Variants in ADH6 observed in about 807,000 individuals in gnomAD.
ADH6 encodes the protein alcohol dehydrogenase 6 (class V).
In ADH6, 34 loss-of-function variants were observed where a neutral mutation model predicts 36.5. That is an observed-to-expected ratio of 0.93 (90% CI 0.71 to 1.24). ADH6 has a LOEUF of 1.24. Ranked by LOEUF, ADH6 falls within the 50% of genes most tolerant of loss-of-function variation. The pLI, the probability that ADH6 is intolerant of heterozygous loss-of-function variation, is 0.00. For synonymous variants in ADH6, 161 were observed against 155.5 expected (o/e 1.04, Z -0.26); for missense variants, 440 against 447.0 (o/e 0.98, Z 0.14).
At chr4:99,207,692 A>T (rs974976194) in intron 6 of ADH6, 111 bp from the exon 7 acceptor site, 3 of 1,082,686 alleles carry the variant, frequency 2.8e-6, no homozygotes, top group Admixed American at 5.3e-5. Context: ...TTCTTTTCTG[A>T]TTCTCCCTAT....
At chr4:99,217,099 G>C (rs930756711) in intron 1 of ADH6, among the ~76,000 whole-genome samples, 11 of 152,110 alleles carry the variant, frequency 7.2e-5, no homozygotes, top group Non-Finnish European at 1.2e-4. Context: ...GCAGTAGCAC[G>C]ATCTCGGCTC....
At position 99,210,217 on chromosome 4, in the gene ADH6, G is replaced by A; in HGVS notation, c.432C>T (p.Thr144=). The part of the protein sequence containing the change: ...KGKSIYHFGN[T]STFCEYTVIK... ...TCACTGTGTATTCACAGAAGGTGCTGGTATTACCAAAGTGATATATTGATT... is the reference window on the plus strand; with the variant it reads ...TCACTGTGTATTCACAGAAGGTGCTAGTATTACCAAAGTGATATATTGATT... Residue 144 remains threonine (T), a synonymous_variant, in exon 5 of 9, where the codon ACC becomes ACT. Transcript: ENST00000394899. The A allele has an allele frequency of 4.3e-6, 7 of 1,613,684 alleles. No homozygotes were observed. The highest frequency in any genetic ancestry group is 5.9e-6 in the Non-Finnish European group (7 of 1,179,820).
At position 99,219,212 on chromosome 4, in the gene ADH6, A is replaced by G. The variant is rs2110562096; in HGVS notation, c.-60T>C. The G allele has an allele frequency of 1.3e-6, 2 of 1,513,472 alleles. No homozygotes were observed. Among genetic ancestry groups the G allele is most frequent in the African/African-American group, 1.4e-5 (1 of 72,880 alleles). The allele number at this position is 1,513,472 out of a possible 1,614,324, so 93.8% of individuals were successfully genotyped here. A position where few individuals can be genotyped will look rare whatever the true frequency, so the allele number is the denominator to read the frequency against. Reference sequence around the variant, plus strand: ...AAAGGGAGATCCTGTAGCAACTTTCACTGTAGAAAGTACAAAGGTACACAG... The same window carrying G: ...AAAGGGAGATCCTGTAGCAACTTTCGCTGTAGAAAGTACAAAGGTACACAG... On this transcript the variant is annotated 5_prime_UTR_variant, in exon 1 of 9. Coordinates refer to ENST00000394899, the MANE Select transcript of ADH6 (RefSeq NM_001102470.2).
Position 99,210,254 on chromosome 4 carries a change from G to C in ADH6, c.395C>G (p.Thr132Ser). ...GTGATATATTGATTTTCCCTTGCAG[G>C]TAAACCTGCTGGTACCATCAGACAT... ...QLMSDGTSRF[T>S]CKGKSIYHFG... Residue 132 changes from threonine (T) to serine (S), a missense_variant, in exon 5 of 9, where the codon ACC becomes AGC. By Grantham distance (58) the Thr-to-Ser change is moderately conservative. Coordinates refer to ENST00000394899, the MANE Select transcript of ADH6 (RefSeq NM_001102470.2). The C allele has an allele frequency of 6.2e-7, 1 of 1,613,730 alleles. No individual in the cohort carries two copies. Among genetic ancestry groups the C allele is most frequent in the Non-Finnish European group, 8.5e-7 (1 of 1,179,848 alleles).
At chr4:99,218,922 G>C (rs1005721605) in intron 1 of ADH6, among the ~76,000 whole-genome samples, 10 of 152,124 alleles carry the variant, frequency 6.6e-5, no homozygotes, top group Non-Finnish European at 1.5e-5. Context: ...TCTGATAAAG[G>C]GCTTGGACAT....
intron 3 of ADH6, among the ~76,000 whole-genome samples, chr4:99,210,989 A>G (rs896838751): frequency 1.3e-5 from 2 of 152,128 alleles, no homozygotes; most frequent in Admixed American, 1.3e-4. Flanking sequence ...AAAGGTAGGC[A>G]GATTTCTCTA....
At chr4:99,204,634 T>G (rs554378657) in intron 8 of ADH6, 489 of 1,181,902 alleles carry the variant, frequency 4.1e-4, no homozygotes, top group Non-Finnish European at 4.9e-4. Flanking sequence ...TTTTATAAGC[T>G]GACTTCCATT....
At chr4:99,217,297 A>G (rs962935911) in intron 1 of ADH6, among the ~76,000 whole-genome samples, 4 of 152,198 alleles carry the variant, frequency 2.6e-5, no homozygotes, top group South Asian at 2.1e-4. Flanking sequence ...TGGCCTCCCA[A>G]AGTGCTGGGA....
intron 3 of ADH6, among the ~76,000 whole-genome samples, chr4:99,211,979 G>GA (rs1322166491): frequency 6.6e-6 from 1 of 152,124 alleles, no homozygotes; most frequent in Non-Finnish European, 1.5e-5. Flanking sequence ...CTACTCGCTT[G>GA]ATTTTGACCT....
Position 99,208,860 on chromosome 4 carries a change from A to G in ADH6, c.636T>C (p.Cys212=). ...GGVGLSVVMG[C]KAAGAARIIG... ...TGATCCTGGCTGCTCCTGCTGCTTTACAACCCATGACAACAGACAAGCCGA... is the reference window on the plus strand; with the variant it reads ...TGATCCTGGCTGCTCCTGCTGCTTTGCAACCCATGACAACAGACAAGCCGA... The change falls in exon 6 of 9, where the codon TGT becomes TGC. Residue 212 remains cysteine (C), a synonymous_variant. Coordinates refer to ENST00000394899, the MANE Select transcript of ADH6 (RefSeq NM_001102470.2). The G allele has an allele frequency of 3.7e-6, 6 of 1,613,776 alleles. No homozygotes were observed. Among genetic ancestry groups the G allele is most frequent in the Non-Finnish European group, 5.1e-6 (6 of 1,179,784 alleles).
At chr4:99,212,400 ATAT>A (rs1182812712) in intron 3 of ADH6, among the ~76,000 whole-genome samples, 1 of 152,092 alleles carries the variant, frequency 6.6e-6, no homozygotes, top group Admixed American at 6.6e-5. Flanking sequence ...GTACAATGTG[ATAT>A]TATGTGTATA....
intron 3 of ADH6, among the ~76,000 whole-genome samples, chr4:99,211,067 A>G (rs762189739): frequency 6.6e-6 from 1 of 152,168 alleles, no homozygotes; most frequent in South Asian, 2.1e-4. Context: ...GGCTGCCCCC[A>G]TGGTCTAACA....
chr4:99,211,742 G>A (rs924310971), intron 3 of ADH6, among the ~76,000 whole-genome samples: 3 of 152,148 alleles, frequency 2.0e-5, no homozygotes, highest in Non-Finnish European at 4.4e-5. Flanking sequence ...AGGCAGAAGA[G>A]GAAGTAAAAG....
intron 8 of ADH6, 113 bp downstream of exon 8, chr4:99,204,812 A>T: frequency 2.9e-6 from 4 of 1,378,586 alleles, no homozygotes; most frequent in Non-Finnish European, 3.8e-6. Flanking sequence ...AGCCTCTTCA[A>T]TTATCAGTAT....
rs768840906 is a variant in ADH6 at position 99,203,226 on chromosome 4, G to A, written c.*993C>T. The A allele has an allele frequency of 6.4e-5, 10 of 155,190 alleles. No homozygotes were observed. The highest frequency in any genetic ancestry group is 1.3e-4 in the Non-Finnish European group (9 of 70,182). The allele number at this position is 155,190 out of a possible 1,614,324, so 9.6% of individuals were successfully genotyped here. ...GCAGAAGAGTCTGCAACTAGGAAGG[G>A]AACTCTTGTGTGTATGAGGGTTGGT... is the stretch of plus-strand genomic sequence containing the variant. On this transcript the variant is annotated 3_prime_UTR_variant, in exon 9 of 9. Coordinates refer to ENST00000394899, the MANE Select transcript of ADH6 (RefSeq NM_001102470.2).
intron 3 of ADH6, among the ~76,000 whole-genome samples, chr4:99,210,968 C>A (rs922780205): frequency 6.6e-6 from 1 of 152,010 alleles, no homozygotes; most frequent in Non-Finnish European, 1.5e-5. Context: ...TTCTTCTTGA[C>A]CTTAGAGATC....
In ADH6 at chr4:99,219,119, A is replaced by G. The variant is rs1731551848; in HGVS notation, c.18+16T>C. ...ACAAAGATATGACACAACATAAAGA[A>G]TAAGACTGCACCTACTTGGCCTGTA... is the stretch of plus-strand genomic sequence containing the variant. On this transcript the variant is annotated intron_variant, in intron 1 of 8. Transcript: ENST00000394899. The G allele has an allele frequency of 3.1e-6, 5 of 1,609,326 alleles. No homozygotes were observed. In the East Asian group the frequency reaches 6.7e-5, roughly 22 times the overall value.
chr4:99,206,152 G>A (rs1043532932), intron 7 of ADH6, among the ~76,000 whole-genome samples: 1 of 151,946 alleles, frequency 6.6e-6, no homozygotes, highest in Non-Finnish European at 1.5e-5. Flanking sequence ...GACCACAGAC[G>A]GGACTAGGCA....
chr4:99,210,932 T>C (rs1731204642), intron 3 of ADH6, among the ~76,000 whole-genome samples: 1 of 152,184 alleles, frequency 6.6e-6, no homozygotes, highest in South Asian at 2.1e-4. Context: ...GCTTCTATGC[T>C]GTTCTCTGTG....
Sources: gnomAD v4.1 joint callset for allele counts (sites outside exome capture counted in the v4.1 genomes callset) on GRCh38, gnomAD v4.1.1 for gene constraint, MANE v1.5 for transcripts, NCBI Gene and HGNC (gene_info 2026-07-23, HGNC 2026-07-21) for gene names.